The following GRIA1 variants were observed in gnomAD, a reference collection of about 807,000 sequenced individuals.
GRIA1 encodes glutamate ionotropic receptor AMPA type subunit 1.
GRIA1 carries 31 observed loss-of-function variants against 99.2 expected under a neutral mutation model. That is an observed-to-expected ratio of 0.31 (90% CI 0.23 to 0.42). The LOEUF is 0.42. Ranked by LOEUF, GRIA1 falls within the 10% of genes least tolerant of loss-of-function variation. GRIA1 has a pLI of 1.00. For missense variants in GRIA1, 782 were observed against 1,157.5 expected, an observed-to-expected ratio of 0.68 and a Z score of 4.71; for synonymous variants, 438 against 432.4, an observed-to-expected ratio of 1.01 and a Z score of -0.16.
At chr5:153,554,007 AT>A (rs1234309419) in intron 2 of GRIA1, among the ~76,000 whole-genome samples, 2 of 152,150 alleles carry the variant, frequency 1.3e-5, no homozygotes, top group African/African-American at 4.8e-5. Flanking sequence ...CCACCCAGTT[AT>A]TGCTCAAGAT....
At chr5:153,528,200 A>G (rs1284078771) in intron 2 of GRIA1, among the ~76,000 whole-genome samples, 1 of 152,176 alleles carries the variant, frequency 6.6e-6, no homozygotes, top group African/African-American at 2.4e-5. Context: ...ATGTTTCTCA[A>G]ATAAAAGAAA....
chr5:153,560,250 T>C lies in GRIA1; in HGVS notation c.220+66185T>C, dbSNP rs573272353. Reference sequence around the variant, plus strand: ...ATTTTAGCTGAAATCTCATAATGGCTTTTTATAGAATATTAATGACTTACA... The same window carrying C: ...ATTTTAGCTGAAATCTCATAATGGCCTTTTATAGAATATTAATGACTTACA... On this transcript the variant is annotated intron_variant, in intron 2 of 15. Coordinates refer to ENST00000285900, the MANE Select transcript of GRIA1 (RefSeq NM_000827.4). 3.3e-5 allele frequency among the ~76,000 whole-genome samples: 5 copies of C among 152,280 alleles called. No individual in the cohort carries two copies. The South Asian group carries it at 1.0e-3, about 32-fold the overall frequency.
intron 2 of GRIA1, among the ~76,000 whole-genome samples, chr5:153,508,180 A>G (rs1755721798): frequency 6.6e-6 from 1 of 152,224 alleles, no homozygotes; most frequent in African/African-American, 2.4e-5. Context: ...GAGGACAGGC[A>G]TCACCTGAAG....
intron 2 of GRIA1, among the ~76,000 whole-genome samples, chr5:153,498,433 T>C (rs997419301): frequency 6.6e-6 from 1 of 152,206 alleles, no homozygotes; most frequent in Non-Finnish European, 1.5e-5. Context: ...ATGCCTCTAA[T>C]ACAAATGAAT....
At chr5:153,694,706 G>C (rs1026459053) in intron 8 of GRIA1, among the ~76,000 whole-genome samples, 16 of 152,220 alleles carry the variant, frequency 1.1e-4, no homozygotes, top group African/African-American at 3.9e-4. Flanking sequence ...ACCAGGTCTG[G>C]CCTGAGGCCA....
chr5:153,503,103 T>C (rs1261022081), intron 2 of GRIA1, among the ~76,000 whole-genome samples: 1 of 152,218 alleles, frequency 6.6e-6, no homozygotes, highest in Non-Finnish European at 1.5e-5. Flanking sequence ...AGCTGTCTCC[T>C]TTTATGGGAT....
chr5:153,724,857 G>C (rs1194934986), intron 11 of GRIA1, among the ~76,000 whole-genome samples: 1 of 152,196 alleles, frequency 6.6e-6, no homozygotes, highest in Non-Finnish European at 1.5e-5. Flanking sequence ...CCCCAATCTA[G>C]CAAGGCAGGC....
intron 2 of GRIA1, among the ~76,000 whole-genome samples, chr5:153,593,560 T>C (rs1764166979): frequency 6.6e-6 from 1 of 152,122 alleles, no homozygotes; most frequent in African/African-American, 2.4e-5. Context: ...TCTGCTTTAT[T>C]GTTTTTTGTT....
At chr5:153,786,286 C>T (rs1433890539) in intron 13 of GRIA1, among the ~76,000 whole-genome samples, 3 of 151,936 alleles carry the variant, frequency 2.0e-5, no homozygotes, top group East Asian at 1.9e-4. Flanking sequence ...CTCATCTCCC[C>T]GAAGGTCCCC....
rs1192585705 is a variant in GRIA1, at chr5:153,802,442, C to T, written c.2472C>T (p.Ala824=). 6.2e-7 allele frequency: 1 copy of T among 1,613,836 alleles called. No individual in the cohort carries two copies. The highest frequency in any genetic ancestry group is 8.5e-7 in the Non-Finnish European group (1 of 1,179,956). Residue 824 remains alanine, a synonymous_variant, in exon 15 of 16, where the codon GCC becomes GCT. Coordinates refer to ENST00000285900, the MANE Select transcript of GRIA1 (RefSeq NM_000827.4). ...IGGLGLAMLV[A]LIEFCYKSRS... ...GACTTGGACTAGCCATGCTGGTTGCCTTAATCGAGTTCTGCTACAAATCCC... is the reference window on the plus strand; with the variant it reads ...GACTTGGACTAGCCATGCTGGTTGCTTTAATCGAGTTCTGCTACAAATCCC...
At chr5:153,728,223 A>G (rs1285292755) in intron 11 of GRIA1, among the ~76,000 whole-genome samples, 7 of 152,318 alleles carry the variant, frequency 4.6e-5, no homozygotes, top group African/African-American at 1.7e-4. Flanking sequence ...ACCTTATACA[A>G]AAATTAATTC....
chr5:153,809,605 T>C (rs1766672467), intron 15 of GRIA1, among the ~76,000 whole-genome samples: 1 of 152,218 alleles, frequency 6.6e-6, no homozygotes, highest in Non-Finnish European at 1.5e-5. Context: ...AGTCATAGAC[T>C]TTTTGAGATG....
chr5:153,665,515 TG>T (rs1755682079), intron 5 of GRIA1, among the ~76,000 whole-genome samples: 2 of 152,246 alleles, frequency 1.3e-5, no homozygotes, highest in South Asian at 4.1e-4. Context: ...AAGGTTTGGT[TG>T]GTTAAAGTGG....
chr5:153,747,207 C>G (rs66976446), intron 11 of GRIA1, among the ~76,000 whole-genome samples: 5 of 152,044 alleles, frequency 3.3e-5, no homozygotes, highest in African/African-American at 1.2e-4. Context: ...CCTCAGGAAG[C>G]TTTTACTCAT....
chr5:153,513,896 G>A (rs1211170058), intron 2 of GRIA1, among the ~76,000 whole-genome samples: 1 of 152,132 alleles, frequency 6.6e-6, no homozygotes, highest in African/African-American at 2.4e-5. Context: ...GTCTTTACAG[G>A]CATGGAATGA....
intron 1 of GRIA1, among the ~76,000 whole-genome samples, chr5:153,491,607 C>T (rs1177937351): frequency 2.0e-5 from 3 of 152,206 alleles, no homozygotes; most frequent in Middle Eastern, 3.4e-3. Context: ...TCCACTCCCC[C>T]GATCCTGGAA....
At position 153,646,894 on chromosome 5, in the gene GRIA1, T is replaced by G. The variant is rs749403093; in HGVS notation, c.221-34T>G. The G allele has an allele frequency of 3.0e-5, 49 of 1,607,018 alleles. 2 individuals are homozygous for G. In the South Asian group the frequency reaches 5.2e-4, roughly 17 times the overall value. On this transcript the variant is annotated intron_variant, in intron 2 of 15. Transcript: ENST00000285900. ...GGAGTCATCTGACCACTTTTTGCAGTCTTCTATTCATTAATCCTTCTCTTC... is the reference window on the plus strand; with the variant it reads ...GGAGTCATCTGACCACTTTTTGCAGGCTTCTATTCATTAATCCTTCTCTTC...
At chr5:153,729,757 C>T (rs1242911037) in intron 11 of GRIA1, among the ~76,000 whole-genome samples, 1 of 152,052 alleles carries the variant, frequency 6.6e-6, no homozygotes, top group Non-Finnish European at 1.5e-5. Flanking sequence ...CAAAACTGTA[C>T]CAGCAAAAAT....
intron 11 of GRIA1, among the ~76,000 whole-genome samples, chr5:153,733,901 A>G (rs1014819978): frequency 1.3e-5 from 2 of 152,208 alleles, no homozygotes; most frequent in African/African-American, 4.8e-5. Context: ...ATAGCAATAT[A>G]ACAATAGCAG....
Sources: gnomAD v4.1 joint callset for allele counts (sites outside exome capture counted in the v4.1 genomes callset) on GRCh38, gnomAD v4.1.1 for gene constraint, MANE v1.5 for transcripts, NCBI Gene and HGNC (gene_info 2026-07-23, HGNC 2026-07-21) for gene names.